The following ANO3 variants were observed in gnomAD, a reference collection of about 807,000 sequenced individuals.
ANO3 encodes anoctamin 3, also known as anoctamin-3.
ANO3 carries 99 observed loss-of-function variants against 144.8 expected under a neutral mutation model. The observed-to-expected ratio is 0.68, with a 90% CI of 0.58 to 0.81. The LOEUF is 0.81. ANO3 is among the 30% of genes least tolerant of loss of function. The pLI is 0.00. For synonymous variants in ANO3, 414 were observed against 392.6 expected, an observed-to-expected ratio of 1.05 and a Z score of -0.64; for missense variants, 905 against 1,202.2, an observed-to-expected ratio of 0.75 and a Z score of 3.66.
intron 1 of ANO3, 123 bp downstream of exon 1, chr11:26,332,444 TAA>T (rs56225203): frequency 7.1e-3 from 4,343 of 611,016 alleles, no homozygotes; most frequent in African/African-American, 0.015. Context: ...TCTGTGAAGT[TAA>T]AAAAAAAAAA....
intron 4 of ANO3, among the ~76,000 whole-genome samples, chr11:26,471,311 GCTCTAAATTGTGTGGCT>G (rs2134070724): frequency 6.6e-6 from 1 of 151,904 alleles, no homozygotes; most frequent in South Asian, 2.1e-4. Context: ...AAGTAAGGCA[GCTCTAAATTGTGTGGCT>G]AATTTACAAC....
chr11:26,619,252 G>A (rs191238152), intron 17 of ANO3, among the ~76,000 whole-genome samples: 1 of 152,162 alleles, frequency 6.6e-6, no homozygotes, highest in East Asian at 1.9e-4. Flanking sequence ...TATAACCAAA[G>A]ACTATACATT....
chr11:26,616,113 G>A (rs967801660), intron 17 of ANO3, among the ~76,000 whole-genome samples: 1 of 151,870 alleles, frequency 6.6e-6, no homozygotes, highest in African/African-American at 2.4e-5. Flanking sequence ...GCCCTTTTAA[G>A]GTCTGTAATT....
At chr11:26,293,534 T>A (rs1388517831) in intron 1 of ANO3, among the ~76,000 whole-genome samples, 7 of 7,638 alleles carry the variant, frequency 9.2e-4, no homozygotes, top group African/African-American at 2.8e-3. Context: ...AAATTCCATG[T>A]ATATATATAT....
chr11:26,570,628 G>A (rs552263071), intron 14 of ANO3, among the ~76,000 whole-genome samples: 69 of 152,116 alleles, frequency 4.5e-4, no homozygotes, highest in African/African-American at 1.3e-3. Flanking sequence ...AATCACTGAC[G>A]ACTATACATT....
intron 4 of ANO3, among the ~76,000 whole-genome samples, chr11:26,478,552 C>T (rs757979190): frequency 6.6e-6 from 1 of 152,076 alleles, no homozygotes; most frequent in Admixed American, 6.6e-5. Context: ...AAGCTGAATT[C>T]CACTCTGAGA....
At chr11:26,397,528 A>G (rs1857046207) in intron 1 of ANO3, among the ~76,000 whole-genome samples, 1 of 152,122 alleles carries the variant, frequency 6.6e-6, no homozygotes, top group Admixed American at 6.6e-5. Context: ...CTTTGAAAGA[A>G]TGTCACAATA....
intron 1 of ANO3, among the ~76,000 whole-genome samples, chr11:26,390,258 T>C (rs1856839308): frequency 6.6e-6 from 1 of 152,144 alleles, no homozygotes; most frequent in African/African-American, 2.4e-5. Flanking sequence ...ATTTCTTTTG[T>C]ATTGGATAGA....
Position 26,296,109 on chromosome 11 carries a change from A to T in ANO3, c.155-13536A>T, listed in dbSNP as rs370756620. Among the ~76,000 whole-genome samples, 4 of 152,204 alleles carry T rather than the reference A, an allele frequency of 2.6e-5. No individual in the cohort carries two copies. The East Asian group carries it at 7.7e-4, about 29-fold the overall frequency. ...GAAAACAAAGTGGTTTATTATTCTC[A>T]GTAGTAAATTGGCAGTGGACAGTAA... is the stretch of plus-strand genomic sequence containing the variant. On this transcript the variant is annotated intron_variant, in intron 1 of 27. Coordinates refer to the ANO3 transcript ENST00000672621.
At chr11:26,277,440 G>A (rs1436726740) in intron 1 of ANO3, among the ~76,000 whole-genome samples, 1 of 151,956 alleles carries the variant, frequency 6.6e-6, no homozygotes, top group Admixed American at 6.6e-5. Flanking sequence ...TCCCTATTAA[G>A]AATCCTTAAG....
intron 18 of ANO3, among the ~76,000 whole-genome samples, chr11:26,626,362 A>C (rs1852585190): frequency 6.6e-6 from 1 of 152,226 alleles, no homozygotes; most frequent in Admixed American, 6.5e-5. Flanking sequence ...AGCCTCAGAC[A>C]ACAATGCAGA....
intron 4 of ANO3, among the ~76,000 whole-genome samples, chr11:26,480,169 C>G (rs1157894744): frequency 6.6e-6 from 1 of 152,160 alleles, no homozygotes; most frequent in Non-Finnish European, 1.5e-5. Flanking sequence ...ATGCCTCATA[C>G]CCACAAATAC....
intron 1 of ANO3, among the ~76,000 whole-genome samples, chr11:26,292,139 C>T (rs1040699851): frequency 1.3e-5 from 2 of 152,110 alleles, no homozygotes; most frequent in Non-Finnish European, 2.9e-5. Context: ...AACTTCTCTT[C>T]TCACTTCATT....
chr11:26,355,555 T>G (rs10834968), intron 1 of ANO3, among the ~76,000 whole-genome samples: 87,391 of 148,604 alleles, frequency 0.59, 27,582 homozygotes, highest in Non-Finnish European at 0.7. Flanking sequence ...AATTTCTTTC[T>G]TTCTTTCTTT....
At chr11:26,302,403 G>A (rs1398414912) in intron 1 of ANO3, among the ~76,000 whole-genome samples, 1 of 152,182 alleles carries the variant, frequency 6.6e-6, no homozygotes, top group Non-Finnish European at 1.5e-5. Flanking sequence ...GCTGAGGCAG[G>A]AGAATCGCTT....
intron 1 of ANO3, among the ~76,000 whole-genome samples, chr11:26,258,926 G>C (rs909268841): frequency 5.9e-5 from 9 of 152,210 alleles, no homozygotes; most frequent in African/African-American, 2.2e-4. Flanking sequence ...GGGCACTACA[G>C]ATATCTCAAC....
chr11:26,565,415 G>A, intron 14 of ANO3: 3 of 1,613,412 alleles, frequency 1.9e-6, no homozygotes, highest in Non-Finnish European at 2.5e-6. Context: ...ACCAAGTGAA[G>A]TTTTCTGAAG....
At chr11:26,463,240 G>T (rs533448097) in intron 4 of ANO3, 92 bp downstream of exon 4, 1 of 597,028 alleles carries the variant, frequency 1.7e-6, no homozygotes, top group South Asian at 2.9e-5. Context: ...TTCTGCTGGA[G>T]AATATAAAAG....
At chr11:26,505,739 A>G (rs143716257) in intron 4 of ANO3, among the ~76,000 whole-genome samples, 1 of 152,220 alleles carries the variant, frequency 6.6e-6, no homozygotes, top group East Asian at 1.9e-4. Context: ...TTGGGAGGCC[A>G]AGGCGGGCGG....
Sources: allele counts gnomAD v4.1 joint callset (sites outside exome capture counted in the v4.1 genomes callset), GRCh38; gene constraint gnomAD v4.1.1; transcripts MANE v1.5; gene names NCBI Gene and HGNC (gene_info 2026-07-23, HGNC 2026-07-21).